LRP12: variants seen among roughly 807,000 people sequenced by gnomAD.
LRP12 encodes low-density lipoprotein receptor-related protein 12.
A neutral mutation model predicts 66.0 loss-of-function variants in LRP12; 14 were observed. The observed-to-expected ratio is 0.21, with a 90% CI of 0.14 to 0.33. LRP12 has a LOEUF of 0.33. Ranked by LOEUF, LRP12 falls within the 10% of genes least tolerant of loss-of-function variation. LRP12 has a pLI of 1.00. For missense variants in LRP12, 889 were observed against 1,053.4 expected (o/e 0.84, Z 2.16); for synonymous variants, 357 against 359.1 (o/e 0.99, Z 0.07).
chr8:104,548,047 ATAT>A (rs1293283532), intron 1 of LRP12, among the ~76,000 whole-genome samples: 3 of 119,160 alleles, frequency 2.5e-5, no homozygotes, highest in East Asian at 2.3e-4. Flanking sequence ...TAATTCTGTT[ATAT>A]TATATTTTGT....
chr8:104,585,282 A>G (rs1318910505), intron 1 of LRP12, among the ~76,000 whole-genome samples: 2 of 152,180 alleles, frequency 1.3e-5, no homozygotes, highest in African/African-American at 2.4e-5. Context: ...CTAGAATACA[A>G]TCGTGCAATC....
chr8:104,551,128 TAC>T (rs1564143111), intron 1 of LRP12, among the ~76,000 whole-genome samples: 2 of 152,132 alleles, frequency 1.3e-5, no homozygotes, highest in African/African-American at 4.8e-5. Flanking sequence ...CTAAAATACA[TAC>T]AGTTTCTGAA....
At chr8:104,541,344 C>G (rs1811473257) in intron 1 of LRP12, among the ~76,000 whole-genome samples, 1 of 152,134 alleles carries the variant, frequency 6.6e-6, no homozygotes, top group African/African-American at 2.4e-5. Context: ...GATAAAAGAG[C>G]TCACAACATA....
At chr8:104,554,954 G>A (rs1485671034) in intron 1 of LRP12, among the ~76,000 whole-genome samples, 1 of 152,150 alleles carries the variant, frequency 6.6e-6, no homozygotes, top group African/African-American at 2.4e-5. Flanking sequence ...AGCTAGAAGG[G>A]ATTGGGGTCC....
intron 1 of LRP12, chr8:104,566,237 C>A (rs1440825063): frequency 5.1e-6 from 3 of 585,492 alleles, no homozygotes; most frequent in Non-Finnish European, 8.0e-6. Context: ...GAACAGATTA[C>A]AAATGAGAAG....
chr8:104,513,161 A>AT (rs952027985), intron 2 of LRP12, among the ~76,000 whole-genome samples: 9 of 152,322 alleles, frequency 5.9e-5, no homozygotes, highest in Admixed American at 1.3e-4. Flanking sequence ...GAAAGAATAC[A>AT]TTTCAAAAGC....
intron 2 of LRP12, among the ~76,000 whole-genome samples, chr8:104,512,040 G>A (rs185888690): frequency 6.6e-6 from 1 of 152,220 alleles, no homozygotes; most frequent in East Asian, 1.9e-4. Context: ...TAAACTGCCA[G>A]TTTTCTTCCA....
At chr8:104,517,773 G>T (rs905866110) in intron 2 of LRP12, among the ~76,000 whole-genome samples, 1 of 151,998 alleles carries the variant, frequency 6.6e-6, no homozygotes, top group Non-Finnish European at 1.5e-5. Flanking sequence ...GCAATTCCAA[G>T]TGTTGAAAAC....
chr8:104,498,298 G>A (rs1457437089), intron 4 of LRP12, among the ~76,000 whole-genome samples: 1 of 152,134 alleles, frequency 6.6e-6, no homozygotes, highest in Non-Finnish European at 1.5e-5. Flanking sequence ...TGCCATGGTG[G>A]TTTGCTGCAC....
At chr8:104,499,738 G>A (rs1222573253) in intron 3 of LRP12, among the ~76,000 whole-genome samples, 1 of 152,118 alleles carries the variant, frequency 6.6e-6, no homozygotes, top group African/African-American at 2.4e-5. Flanking sequence ...TTCTTCACAA[G>A]TAATGCTAGG....
chr8:104,572,739 T>C (rs191874711), intron 1 of LRP12, among the ~76,000 whole-genome samples: 22 of 152,178 alleles, frequency 1.4e-4, no homozygotes, highest in Non-Finnish European at 2.4e-4. Context: ...TAACTTAATA[T>C]AAATTAGCAA....
intron 1 of LRP12, among the ~76,000 whole-genome samples, chr8:104,550,687 G>A (rs1811712199): frequency 6.6e-6 from 1 of 151,882 alleles, no homozygotes; most frequent in Non-Finnish European, 1.5e-5. Context: ...CAACCCTCCT[G>A]CTATTTCTTT....
At chr8:104,567,527 A>C (rs1167438055) in intron 1 of LRP12, among the ~76,000 whole-genome samples, 1 of 152,224 alleles carries the variant, frequency 6.6e-6, no homozygotes, top group African/African-American at 2.4e-5. Context: ...AAACCAAATC[A>C]GAAAGGAAGA....
chr8:104,566,936 T>C (rs1448960620), intron 1 of LRP12, among the ~76,000 whole-genome samples: 3 of 151,966 alleles, frequency 2.0e-5, no homozygotes, highest in Admixed American at 2.0e-4. Context: ...TGATCTTATG[T>C]ATGTAAAGCA....
chr8:104,519,670 G>A (rs576564827), intron 2 of LRP12, among the ~76,000 whole-genome samples: 1 of 151,992 alleles, frequency 6.6e-6, no homozygotes, highest in South Asian at 2.1e-4. Context: ...TGACTTGAAA[G>A]ACAAGAATCA....
At chr8:104,541,549 G>A (rs1811476765) in intron 1 of LRP12, among the ~76,000 whole-genome samples, 1 of 152,088 alleles carries the variant, frequency 6.6e-6, no homozygotes, top group Non-Finnish European at 1.5e-5. Flanking sequence ...TGCACAATGG[G>A]TGGTTTTTAG....
chr8:104,510,407 G>C (rs1338149965), intron 2 of LRP12, among the ~76,000 whole-genome samples: 1 of 152,072 alleles, frequency 6.6e-6, no homozygotes, highest in Non-Finnish European at 1.5e-5. Context: ...TTAGACATCT[G>C]CATATCACAG....
intron 4 of LRP12, 132 bp downstream of exon 4, chr8:104,499,184 TA>T: frequency 1.6e-6 from 1 of 643,624 alleles, no homozygotes. Flanking sequence ...CTTTAGCTTC[TA>T]ATCCTCAATC....
chr8:104,532,798 C>T lies in LRP12; in HGVS notation c.80-835G>A, dbSNP rs1811345749. Among the ~76,000 whole-genome samples, 7 of 152,118 alleles carry T rather than the reference C, an allele frequency of 4.6e-5. No homozygotes were observed. In the South Asian group the frequency reaches 1.4e-3, roughly 32 times the overall value. ...CTTGAATATTGTATTGCACCCCCCA[C>T]CCCAATGCACTAAGCTGTAGGAGAA... On this transcript the variant is annotated intron_variant, in intron 1 of 6. Transcript: ENST00000276654.
Sources: allele counts gnomAD v4.1 joint callset (sites outside exome capture counted in the v4.1 genomes callset), GRCh38; gene constraint gnomAD v4.1.1; transcripts MANE v1.5; gene names NCBI Gene and HGNC (gene_info 2026-07-23, HGNC 2026-07-21).